The following ZNF567 variants were observed in gnomAD, a reference collection of about 807,000 sequenced individuals.
The protein encoded by ZNF567 is zinc finger protein 567.
ZNF567 carries 36 observed loss-of-function variants against 53.9 expected under a neutral mutation model. The observed-to-expected ratio is 0.67, with a 90% CI of 0.51 to 0.88. ZNF567 has a LOEUF of 0.88. Ranked by LOEUF, ZNF567 falls within the 40% of genes least tolerant of loss-of-function variation. The pLI, the probability that ZNF567 is intolerant of heterozygous loss-of-function variation, is 0.00. For missense variants in ZNF567, 619 were observed against 764.7 expected, an observed-to-expected ratio of 0.81 and a Z score of 2.25; for synonymous variants, 224 against 260.4, an observed-to-expected ratio of 0.86 and a Z score of 1.35.
chr19:36,686,064 C>T (rs140876058), upstream of ZNF567: 1 of 152,354 alleles, frequency 6.6e-6, no homozygotes, highest in Non-Finnish European at 1.5e-5. Context: ...CTTCCTGAAG[C>T]TTTGTCTCAG....
chr19:36,675,959 A>T, the ZNF567 span, among the ~76,000 whole-genome samples: 30 of 151,340 alleles, frequency 2.0e-4, no homozygotes, highest in Non-Finnish European at 2.9e-5. Context: ...GTACATATGT[A>T]CACTTTGATA....
downstream of ZNF567, among the ~76,000 whole-genome samples, chr19:36,724,163 T>C (rs919075468): frequency 6.6e-6 from 1 of 151,244 alleles, no homozygotes; most frequent in African/African-American, 2.4e-5. Context: ...TGTTCCCCCA[T>C]GCCTGGCTAA....
chr19:36,718,908 T>A lies in ZNF567; in HGVS notation c.224-40T>A, dbSNP rs748712536. The A allele has an allele frequency of 2.0e-6, 3 of 1,481,442 alleles. No homozygotes were observed. The South Asian group carries it at 4.2e-5, about 21-fold the overall frequency. The allele number at this position is 1,481,442 out of a possible 1,614,324, so 91.8% of individuals were successfully genotyped here. The stretch of plus-strand genomic sequence containing the variant: ...AAAATTTCTTTGCATAGGAAATGTG[T>A]GAAGATTCACAAATTGTTATCAATT... On this transcript the variant is annotated intron_variant, in intron 5 of 5. Transcript: ENST00000682579.
the ZNF567 span, among the ~76,000 whole-genome samples, chr19:36,676,879 G>A: frequency 6.6e-6 from 1 of 152,112 alleles, no homozygotes; most frequent in African/African-American, 2.4e-5. Flanking sequence ...GATAGGGCCG[G>A]GCGCGGTGGC....
chr19:36,698,220 C>T (rs2038992797), intron 3 of ZNF567, among the ~76,000 whole-genome samples: 1 of 151,946 alleles, frequency 6.6e-6, no homozygotes, highest in African/African-American at 2.4e-5. Flanking sequence ...TGATGATTTC[C>T]AATTTCATCC....
intron 3 of ZNF567, among the ~76,000 whole-genome samples, chr19:36,698,879 C>T (rs2039030374): frequency 6.6e-6 from 1 of 151,946 alleles, no homozygotes; most frequent in Non-Finnish European, 1.5e-5. Context: ...GTTGCCTGTT[C>T]TCTCTGATGG....
At chr19:36,684,810 G>C (rs1444393586), upstream of ZNF567, among the ~76,000 whole-genome samples, 1 of 152,162 alleles carries the variant, frequency 6.6e-6, no homozygotes, top group African/African-American at 2.4e-5. Flanking sequence ...TATTCTGAAG[G>C]ATTAGGATGA....
intron 2 of ZNF567, among the ~76,000 whole-genome samples, chr19:36,690,631 C>T (rs1166837300): frequency 6.6e-6 from 1 of 152,034 alleles, no homozygotes; most frequent in Non-Finnish European, 1.5e-5. Context: ...TAGGAAAAAA[C>T]ACATAGGCAT....
At chr19:36,695,015 A>G (rs980162136) in intron 3 of ZNF567, 139 bp downstream of exon 3, 25 of 924,738 alleles carry the variant, frequency 2.7e-5, no homozygotes, top group Non-Finnish European at 3.9e-5. Context: ...TTCTTCCCAT[A>G]TTGGTCAGAT....
At chr19:36,722,713 T>A (rs1364177587), downstream of ZNF567, among the ~76,000 whole-genome samples, 1 of 152,216 alleles carries the variant, frequency 6.6e-6, no homozygotes. Flanking sequence ...CTCTGGCCTG[T>A]TAGAGAGGGA....
At chr19:36,675,604 C>T in the ZNF567 span, among the ~76,000 whole-genome samples, 11 of 152,062 alleles carry the variant, frequency 7.2e-5, no homozygotes, top group South Asian at 4.1e-4. Context: ...ACCCGGGAGG[C>T]GGAGGTTGCA....
At chr19:36,696,634 A>AC in intron 3 of ZNF567, among the ~76,000 whole-genome samples, 1 of 152,084 alleles carries the variant, frequency 6.6e-6, no homozygotes, top group Non-Finnish European at 1.5e-5. Flanking sequence ...TGTTCCTCTT[A>AC]CCACAGTTCC....
At chr19:36,714,528 T>C in intron 5 of ZNF567, 1 of 398,374 alleles carries the variant, frequency 2.5e-6, no homozygotes. Context: ...TATTGGTTAG[T>C]GGTCCTCTCC....
intron 3 of ZNF567, among the ~76,000 whole-genome samples, chr19:36,702,190 G>A (rs2039231468): frequency 6.6e-6 from 1 of 151,970 alleles, no homozygotes; most frequent in Non-Finnish European, 1.5e-5. Context: ...ATGAAGCTTA[G>A]TTTGGCTGGA....
chr19:36,688,066 C>T (rs975400168), intron 1 of ZNF567, among the ~76,000 whole-genome samples: 2 of 151,948 alleles, frequency 1.3e-5, no homozygotes, highest in Admixed American at 6.6e-5. Context: ...GTGATAGGGT[C>T]CCTGCGTGTC....
the ZNF567 span, among the ~76,000 whole-genome samples, chr19:36,676,169 G>A: frequency 5.0e-5 from 7 of 140,106 alleles, no homozygotes; most frequent in African/African-American, 1.6e-4. Flanking sequence ...TGGGTCAAGC[G>A]ATTATCCTGC....
intron 2 of ZNF567, among the ~76,000 whole-genome samples, chr19:36,690,443 T>C (rs2038539738): frequency 6.6e-6 from 1 of 151,830 alleles, no homozygotes; most frequent in South Asian, 2.1e-4. Context: ...AATACAAAAA[T>C]TAGCCAGGCG....
chr19:36,667,731 G>C, the ZNF567 span, among the ~76,000 whole-genome samples: 1 of 146,490 alleles, frequency 6.8e-6, no homozygotes, highest in African/African-American at 2.5e-5. Flanking sequence ...CTCACTGCAA[G>C]CTCCGCCTCC....
intron 3 of ZNF567, among the ~76,000 whole-genome samples, chr19:36,696,694 G>C (rs76357833): frequency 0.087 from 13,296 of 152,184 alleles, 772 homozygotes; most frequent in Non-Finnish European, 0.12. Flanking sequence ...TCTCATAGTG[G>C]TCACTTGTCT....
Sources: gnomAD v4.1 joint callset for allele counts (sites outside exome capture counted in the v4.1 genomes callset) on GRCh38, gnomAD v4.1.1 for gene constraint, MANE v1.5 for transcripts, NCBI Gene and HGNC (gene_info 2026-07-23, HGNC 2026-07-21) for gene names.